Variants in SLC8A1 observed in about 807,000 individuals in gnomAD.
The protein encoded by SLC8A1 is sodium/calcium exchanger 1.
In SLC8A1, 18 loss-of-function variants were observed where a neutral mutation model predicts 68.3. The observed-to-expected ratio is 0.26, with a 90% confidence interval of 0.18 to 0.39. SLC8A1 has a LOEUF of 0.39. Among genes scored for constraint, SLC8A1 ranks in the 10% least tolerant of loss-of-function variants. The pLI is 1.00. For missense variants in SLC8A1, 985 were observed against 1,156.7 expected, an observed-to-expected ratio of 0.85 and a Z score of 2.15; for synonymous variants, 475 against 415.5, an observed-to-expected ratio of 1.14 and a Z score of -1.74.
chr2:40,437,403 TTCGTC>T (rs1278344744), intron 1 of SLC8A1, among the ~76,000 whole-genome samples: 1 of 152,094 alleles, frequency 6.6e-6, no homozygotes, highest in Non-Finnish European at 1.5e-5. Flanking sequence ...AGCACTTCTA[TTCGTC>T]ACATAGCAAG....
chr2:40,311,754 CATA>C (rs2073724997), intron 2 of SLC8A1, among the ~76,000 whole-genome samples: 1 of 151,578 alleles, frequency 6.6e-6, no homozygotes, highest in Non-Finnish European at 1.5e-5. Context: ...GGATTACTTG[CATA>C]ATTAAAATAT....
chr2:40,210,947 A>T (rs567244921), intron 2 of SLC8A1, among the ~76,000 whole-genome samples: 1 of 152,364 alleles, frequency 6.6e-6, no homozygotes, highest in South Asian at 2.1e-4. Context: ...GATGAGGGAT[A>T]ACTTACACAG....
At chr2:40,200,221 T>TATATATATATATAAATATATATATATA (rs1558722315) in intron 2 of SLC8A1, among the ~76,000 whole-genome samples, 17 of 1,866 alleles carry the variant, frequency 9.1e-3, no homozygotes, top group African/African-American at 0.019. Flanking sequence ...TATATATATT[T>TATATATATATATAAATATATATATATA]TTTTATATAT....
At chr2:40,153,114 T>C (rs390579) in intron 6 of SLC8A1, among the ~76,000 whole-genome samples, 116,467 of 152,100 alleles carry the variant, frequency 0.77, 46,341 homozygotes, top group East Asian at 0.99. Context: ...CAAGGATGGA[T>C]TGGATAATTT....
rs1697988585 is a variant in SLC8A1, at chr2:40,430,308, G to C, written c.-24-4C>G. On this transcript the variant is annotated splice_region_variant and splice_polypyrimidine_tract_variant and intron_variant, in intron 1 of 7. Transcript: ENST00000406785. ...CACTTCCAACTGTCACAACCTACTG[G>C]TAAAAATAAGATGGGGGAGAGGGCA... 6.4e-7 allele frequency: 1 copy of C among 1,573,322 alleles called. No homozygotes were observed. The highest frequency in any genetic ancestry group is 1.4e-5 in the African/African-American group (1 of 73,368).
At chr2:40,270,230 C>T (rs1444229316) in intron 2 of SLC8A1, among the ~76,000 whole-genome samples, 1 of 152,200 alleles carries the variant, frequency 6.6e-6, no homozygotes, top group Non-Finnish European at 1.5e-5. Flanking sequence ...GACCTTCCAG[C>T]CCTAGCTTCA....
upstream of SLC8A1, among the ~76,000 whole-genome samples, chr2:40,454,195 C>T (rs1459509150): frequency 1.3e-5 from 2 of 152,144 alleles, no homozygotes; most frequent in Non-Finnish European, 2.9e-5. Flanking sequence ...AAGTGGCTGC[C>T]TTCTAAATAA....
At chr2:40,507,134 TA>T (rs1458507043) in intron 1 of SLC8A1, among the ~76,000 whole-genome samples, 11 of 152,048 alleles carry the variant, frequency 7.2e-5, no homozygotes, top group African/African-American at 2.4e-4. Context: ...AATGTAAAAT[TA>T]AATGAAATTT....
intron 2 of SLC8A1, among the ~76,000 whole-genome samples, chr2:40,372,800 T>G (rs1471161824): frequency 6.6e-6 from 1 of 152,082 alleles, no homozygotes; most frequent in African/African-American, 2.4e-5. Flanking sequence ...GGTATTTTGT[T>G]GTTTGACTCA....
chr2:40,201,916 A>G (rs980909211), intron 2 of SLC8A1, among the ~76,000 whole-genome samples: 1 of 151,928 alleles, frequency 6.6e-6, no homozygotes, highest in Admixed American at 6.6e-5. Context: ...TACAACCTAC[A>G]TATCTATGTG....
chr2:40,375,391 G>A (rs752443514), intron 2 of SLC8A1, among the ~76,000 whole-genome samples: 5 of 152,048 alleles, frequency 3.3e-5, no homozygotes, highest in Admixed American at 6.6e-5. Context: ...CTGGAGCAGG[G>A]TGAATTTTCC....
chr2:40,352,191 A>G (rs1382870483), intron 2 of SLC8A1, among the ~76,000 whole-genome samples: 1 of 152,166 alleles, frequency 6.6e-6, no homozygotes, highest in Non-Finnish European at 1.5e-5. Flanking sequence ...TTGCAGTTGT[A>G]TTGCAATTTT....
intron 2 of SLC8A1, among the ~76,000 whole-genome samples, chr2:40,186,036 A>G (rs2050640793): frequency 6.6e-6 from 1 of 152,152 alleles, no homozygotes; most frequent in African/African-American, 2.4e-5. Flanking sequence ...ATCAAGGACT[A>G]AGTTGTACTT....
intron 2 of SLC8A1, among the ~76,000 whole-genome samples, chr2:40,290,363 A>T (rs2069083215): frequency 6.6e-6 from 1 of 152,132 alleles, no homozygotes; most frequent in Admixed American, 6.6e-5. Flanking sequence ...TGATTCTCAC[A>T]AAGTTCGGAG....
At chr2:40,196,192 G>C (rs1045209640) in intron 2 of SLC8A1, among the ~76,000 whole-genome samples, 2 of 151,948 alleles carry the variant, frequency 1.3e-5, no homozygotes, top group Non-Finnish European at 2.9e-5. Flanking sequence ...GAAGGACAAG[G>C]AAAAATTTTC....
Position 40,428,465 on chromosome 2 carries a change from G to T in SLC8A1, c.1808+8C>A. ...CACACACACACACATATATAATATA[G>T]AACTTACACAATTTCATCATTCTGG... On this transcript the variant is annotated splice_region_variant and intron_variant, in intron 2 of 7. Coordinates refer to ENST00000406785, the Ensembl canonical transcript of SLC8A1. 1 of 1,566,238 alleles carries T rather than the reference G, an allele frequency of 6.4e-7. No homozygotes were observed. Among genetic ancestry groups the T allele is most frequent in the Non-Finnish European group, 8.6e-7 (1 of 1,159,688 alleles).
rs919422496 is a variant in SLC8A1 at position 40,388,530 on chromosome 2, T to C, written c.1808+39943A>G. Among the ~76,000 whole-genome samples, 4 of 152,070 alleles carry C rather than the reference T, an allele frequency of 2.6e-5. No individual in the cohort carries two copies. In the East Asian group the frequency reaches 5.8e-4, roughly 22 times the overall value. On this transcript the variant is annotated intron_variant, in intron 2 of 7. Transcript: ENST00000406785. ...CGTTAGGCTCATTTACTGATGAGAG[T>C]GGACCAAAGAAAATCACTCTATGCA...
chr2:40,458,151 T>C (rs1351557329), intron 1 of SLC8A1, among the ~76,000 whole-genome samples: 1 of 152,178 alleles, frequency 6.6e-6, no homozygotes, highest in Non-Finnish European at 1.5e-5. Flanking sequence ...TAAAGCTCTT[T>C]TACGTCTGGC....
intron 4 of SLC8A1, among the ~76,000 whole-genome samples, chr2:40,169,993 G>A (rs1266743106): frequency 2.6e-5 from 4 of 152,104 alleles, no homozygotes; most frequent in African/African-American, 9.7e-5. Context: ...ACTGATGTGC[G>A]AGAAGAAATA....
Sources: allele counts gnomAD v4.1 joint callset (sites outside exome capture counted in the v4.1 genomes callset), GRCh38; gene constraint gnomAD v4.1.1; transcripts MANE v1.5; gene names NCBI Gene and HGNC (gene_info 2026-07-23, HGNC 2026-07-21).